LIG3: variants seen among roughly 807,000 people sequenced by gnomAD.
The protein encoded by LIG3 is ligase II, DNA, ATP-dependent.
In LIG3, 58 loss-of-function variants were observed where a neutral mutation model predicts 110.9. That is an observed-to-expected ratio of 0.52 (90% CI 0.42 to 0.65). The LOEUF (loss-of-function observed/expected upper bound fraction) is 0.65. LIG3 is among the 30% of genes least tolerant of loss of function. The pLI is 0.00. For missense variants in LIG3, 1,094 were observed against 1,273.8 expected (o/e 0.86, Z 2.15); for synonymous variants, 422 against 472.8 (o/e 0.89, Z 1.39).
rs763040498 is a variant in LIG3 at position 35,005,256 on chromosome 17, C to T, written c.*750C>T. ...AAGACTGTTCTTTAAGAATAAAAAT[C>T]CACATGGGGCTTGAGGCCAAGAACA... On this transcript the variant is annotated 3_prime_UTR_variant, in exon 20 of 20. Transcript: ENST00000378526. 4.0e-6 allele frequency: 2 copies of T among 504,970 alleles called. No individual in the cohort carries two copies. The highest frequency in any genetic ancestry group is 2.9e-5 in the South Asian group (2 of 68,858). 31.3% of individuals were successfully genotyped at this position (504,970 alleles called of 1,614,324 possible). A position where few individuals can be genotyped will look rare whatever the true frequency, so the allele number is the denominator to read the frequency against.
intron 12 of LIG3, 107 bp from the exon 13 acceptor site, chr17:34,998,112 G>A (rs1328794746): frequency 1.3e-6 from 1 of 796,184 alleles, no homozygotes; most frequent in Admixed American, 2.6e-5. Flanking sequence ...TTTCAAGTAA[G>A]GGTGTTTCCA....
At position 34,999,431 on chromosome 17, in the gene LIG3, C is replaced by T; in HGVS notation, c.2238C>T (p.Asp746=). 1 of 1,613,976 alleles carries T rather than the reference C, an allele frequency of 6.2e-7. No individual in the cohort carries two copies. Among genetic ancestry groups the T allele is most frequent in the Admixed American group, 1.7e-5 (1 of 60,010 alleles). The change falls in exon 15 of 20, where the codon GAC becomes GAT. Residue 746 remains aspartate (D), a synonymous_variant. Coordinates refer to ENST00000378526, the MANE Select transcript of LIG3 (RefSeq NM_013975.4). The part of the protein sequence containing the change: ...ATLARLQNEL[D]MVKISKDPSK... ...TTGCCCGCCTGCAGAATGAACTAGA[C>T]ATGGTGAAGATCAGCAAGGTGAGGA...
At chr17:35,002,215 G>A in intron 18 of LIG3, 111 bp downstream of exon 18, 1 of 927,392 alleles carries the variant, frequency 1.1e-6, no homozygotes, top group Non-Finnish European at 1.6e-6. Flanking sequence ...GATTATCTGT[G>A]TCCACTGCAG....
At chr17:34,985,063 C>T (rs552111876) in intron 2 of LIG3, among the ~76,000 whole-genome samples, 3 of 152,258 alleles carry the variant, frequency 2.0e-5, no homozygotes, top group South Asian at 2.1e-4. Context: ...CAGGCCTGAG[C>T]GCCCAGCCAT....
chr17:34,998,788 G>A, intron 14 of LIG3, 61 bp downstream of exon 14: 1 of 1,557,286 alleles, frequency 6.4e-7, no homozygotes, highest in South Asian at 1.2e-5. Context: ...TTGAGGTACA[G>A]GCTGGCCTTG....
At position 34,983,554 on chromosome 17, in the gene LIG3, TA is replaced by T. The variant is rs761006623; in HGVS notation, c.547+4del. On this transcript the variant is annotated splice_donor_region_variant and intron_variant, in intron 2 of 19. Transcript: ENST00000378526. ...AACAGATAACCCAGCACATTGCAGG[TA>T]AGGTAGAGAACACTGCTTTCTCATC... is the stretch of plus-strand genomic sequence containing the variant. The T allele has an allele frequency of 6.2e-7, 1 of 1,610,642 alleles. No individual in the cohort carries two copies. The highest frequency in any genetic ancestry group is 8.5e-7 in the Non-Finnish European group (1 of 1,178,698).
Position 34,996,557 on chromosome 17 carries a change from C to T in LIG3, c.1744-17C>T, listed in dbSNP as rs1241219285. The T allele has an allele frequency of 1.9e-6, 3 of 1,605,728 alleles. No individual in the cohort carries two copies. The highest frequency in any genetic ancestry group is 1.3e-5 in the African/African-American group (1 of 74,838). ...CTTTTGTCCTATGTGTACCTACTAC[C>T]TCATTTTCCCTTACAGAAAGCAGCC... On this transcript the variant is annotated splice_polypyrimidine_tract_variant and intron_variant, in intron 10 of 19. Coordinates refer to ENST00000378526, the MANE Select transcript of LIG3 (RefSeq NM_013975.4).
chr17:34,999,524 C>G (rs2090817433), intron 15 of LIG3, 75 bp downstream of exon 15: 3 of 1,528,590 alleles, frequency 2.0e-6, no homozygotes, highest in Non-Finnish European at 2.7e-6. Flanking sequence ...GCTTTGGGGA[C>G]TACAGGTATT....
intron 11 of LIG3, 44 bp from the exon 12 acceptor site, chr17:34,997,694 G>C: frequency 1.4e-6 from 2 of 1,379,914 alleles, no homozygotes; most frequent in South Asian, 2.3e-5. Context: ...CCTAATAAGG[G>C]AGGGAGGATC....
chr17:34,982,581 A>G (rs1383240073), intron 1 of LIG3, among the ~76,000 whole-genome samples: 2 of 150,626 alleles, frequency 1.3e-5, no homozygotes, highest in African/African-American at 4.9e-5. Context: ...CGAGAGGAGG[A>G]GGTTGCGGTG....
intron 18 of LIG3, 111 bp downstream of exon 18, chr17:35,002,215 G>C (rs2142287381): frequency 5.4e-6 from 5 of 927,392 alleles, no homozygotes; most frequent in South Asian, 1.9e-5. Flanking sequence ...GATTATCTGT[G>C]TCCACTGCAG....
At chr17:34,982,553 A>G (rs537160605) in intron 1 of LIG3, among the ~76,000 whole-genome samples, 2 of 152,148 alleles carry the variant, frequency 1.3e-5, no homozygotes, top group East Asian at 1.9e-4. Context: ...AGGCTGAGGC[A>G]GGAGAATCGC....
chr17:34,991,709 G>A lies in LIG3; in HGVS notation c.1080G>A (p.Gln360=), dbSNP rs2090722342. ...AGACAATCAGAGTCTTCTTTGAGCAGAGCAAGTCTTTCCCCCCAGCTGCCA... is the reference window on the plus strand; with the variant it reads ...AGACAATCAGAGTCTTCTTTGAGCAAAGCAAGTCTTTCCCCCCAGCTGCCA... ...VSETIRVFFE[Q]SKSFPPAAKS... is the part of the protein sequence containing the mutation. The change falls in exon 6 of 20, where the codon CAG becomes CAA. Residue 360 remains glutamine (Q), a synonymous_variant. Coordinates refer to ENST00000378526, the MANE Select transcript of LIG3 (RefSeq NM_013975.4). 2.5e-6 allele frequency: 4 copies of A among 1,613,858 alleles called. No homozygotes were observed. The highest frequency in any genetic ancestry group is 2.7e-5 in the African/African-American group (2 of 74,892).
At chr17:34,994,525 A>G in intron 9 of LIG3, 94 bp downstream of exon 9, 2 of 1,273,014 alleles carry the variant, frequency 1.6e-6, no homozygotes, top group African/African-American at 1.5e-5. Context: ...CAGCTGTGGT[A>G]CACAATAAGG....
At chr17:35,001,214 TATC>T in intron 16 of LIG3, 40 bp from the exon 17 acceptor site, 1 of 1,598,392 alleles carries the variant, frequency 6.3e-7, no homozygotes, top group Non-Finnish European at 8.6e-7. Flanking sequence ...CCACTGATAC[TATC>T]TTCTTAACCA....
At position 35,005,455 on chromosome 17, in the gene LIG3, T is replaced by C. The variant is rs762077601; in HGVS notation, c.*949T>C. The C allele has an allele frequency of 5.4e-6, 3 of 560,714 alleles. No homozygotes were observed. Among genetic ancestry groups the C allele is most frequent in the South Asian group, 1.4e-5 (1 of 72,734 alleles). 34.7% of individuals were successfully genotyped at this position (560,714 alleles called of 1,614,324 possible). A position where few individuals can be genotyped will look rare whatever the true frequency, so the allele number is the denominator to read the frequency against. On this transcript the variant is annotated 3_prime_UTR_variant, in exon 20 of 20. Coordinates refer to ENST00000378526, the MANE Select transcript of LIG3 (RefSeq NM_013975.4). The stretch of plus-strand genomic sequence containing the variant: ...TGACTGGAGGAATAATTATATGATA[T>C]TGTTGAACCCCCAAGTATTGGCTGA...
chr17:34,996,636 T>C lies in LIG3; in HGVS notation c.1806T>C (p.Asp602=). The part of the protein sequence containing the change: ...LFVFDCIYFN[D]VSLMDRPLCE... ...TTTTTGATTGTATCTACTTTAATGATGTCAGCTTGATGGACAGGTGAGTTG... is the reference window on the plus strand; with the variant it reads ...TTTTTGATTGTATCTACTTTAATGACGTCAGCTTGATGGACAGGTGAGTTG... The change falls in exon 11 of 20, where the codon GAT becomes GAC. Residue 602 remains aspartate, a synonymous_variant. Coordinates refer to ENST00000378526, the MANE Select transcript of LIG3 (RefSeq NM_013975.4). 1 of 1,613,972 alleles carries C rather than the reference T, an allele frequency of 6.2e-7. No individual in the cohort carries two copies. The highest frequency in any genetic ancestry group is 8.5e-7 in the Non-Finnish European group (1 of 1,179,850).
chr17:35,005,884 C>CAT lies in LIG3; in HGVS notation c.*1381_*1382dup, dbSNP rs2090892265. 1 of 344,408 alleles carries CAT rather than the reference C, an allele frequency of 2.9e-6. No homozygotes were observed. Among genetic ancestry groups the CAT allele is most frequent in the African/African-American group, 2.1e-5 (1 of 46,702 alleles). The allele number at this position is 344,408 out of a possible 1,614,324, so 21.3% of individuals were successfully genotyped here. On this transcript the variant is annotated 3_prime_UTR_variant, in exon 20 of 20. Coordinates refer to ENST00000378526, the MANE Select transcript of LIG3 (RefSeq NM_013975.4). ...AATACCTAGCGAAAAAAACAGGAAG[C>CAT]ATATTGAAGCTCGGACTAGAATTTC...
At position 35,004,391 on chromosome 17, in the gene LIG3, T is replaced by G. The variant is rs897134545; in HGVS notation, c.2915T>G (p.Met972Arg). ...GGGGACCTGGTACAGGAATTTGATA[T>G]GACTTCAGCCACGCACGTGCTGGGT... ...FDGDLVQEFD[M>R]TSATHVLGSR... Residue 972 changes from methionine (M) to arginine (R), a missense_variant, in exon 20 of 20, where the codon ATG (methionine) becomes AGG (arginine). Transcript: ENST00000378526. The G allele has an allele frequency of 6.2e-7, 1 of 1,614,202 alleles. No individual in the cohort carries two copies. The highest frequency in any genetic ancestry group is 8.5e-7 in the Non-Finnish European group (1 of 1,180,038).
Sources: allele counts gnomAD v4.1 joint callset (sites outside exome capture counted in the v4.1 genomes callset), GRCh38; gene constraint gnomAD v4.1.1; transcripts MANE v1.5; gene names NCBI Gene and HGNC (gene_info 2026-07-23, HGNC 2026-07-21).